MARCHF1: variants seen among roughly 807,000 people sequenced by gnomAD.
MARCHF1 encodes membrane associated ring-CH-type finger 1, also known as E3 ubiquitin-protein ligase MARCHF1.
MARCHF1 carries 40 observed loss-of-function variants against 54.2 expected under a neutral mutation model. The observed-to-expected ratio is 0.74, with a 90% CI of 0.57 to 0.96. The LOEUF is 0.96. MARCHF1 is among the 40% of genes least tolerant of loss of function. The pLI is 0.00. For missense variants in MARCHF1, 586 were observed against 656.5 expected, an observed-to-expected ratio of 0.89 and a Z score of 1.17; for synonymous variants, 236 against 236.3, an observed-to-expected ratio of 1.00 and a Z score of 0.01.
At chr4:163,640,712 A>G (rs1440567065) in intron 5 of MARCHF1, among the ~76,000 whole-genome samples, 3 of 152,158 alleles carry the variant, frequency 2.0e-5, no homozygotes, top group Non-Finnish European at 4.4e-5. Context: ...TGAATTGCCA[A>G]CTTCATGCCT....
At chr4:164,173,865 C>T (rs1283213018) in intron 1 of MARCHF1, among the ~76,000 whole-genome samples, 2 of 152,144 alleles carry the variant, frequency 1.3e-5, no homozygotes, top group Non-Finnish European at 2.9e-5. Context: ...TCAGGTATTT[C>T]TTTAGAGCAT....
chr4:163,886,032 T>A (rs1750523640), intron 3 of MARCHF1, among the ~76,000 whole-genome samples: 1 of 143,718 alleles, frequency 7.0e-6, no homozygotes, highest in African/African-American at 2.5e-5. Flanking sequence ...AAAAAAAAAA[T>A]AGCCTGGTAT....
intron 4 of MARCHF1, among the ~76,000 whole-genome samples, chr4:163,793,037 C>CT: frequency 1.3e-5 from 2 of 152,332 alleles, no homozygotes; most frequent in Middle Eastern, 3.4e-3. Flanking sequence ...ATATAAACAA[C>CT]TTAACTCCGT....
chr4:163,575,458 A>T (rs376016094), intron 8 of MARCHF1, among the ~76,000 whole-genome samples: 9 of 152,056 alleles, frequency 5.9e-5, no homozygotes, highest in East Asian at 3.9e-4. Context: ...TAGTTTGCTA[A>T]TTTTTTTGAG....
At chr4:163,544,795 G>C (rs960181160) in intron 9 of MARCHF1, among the ~76,000 whole-genome samples, 1 of 152,062 alleles carries the variant, frequency 6.6e-6, no homozygotes, top group African/African-American at 2.4e-5. Context: ...AACTCAAAAT[G>C]TTACTATCTG....
intron 4 of MARCHF1, among the ~76,000 whole-genome samples, chr4:163,739,266 T>A (rs538881329): frequency 1.3e-5 from 2 of 152,300 alleles, no homozygotes; most frequent in East Asian, 3.9e-4. Flanking sequence ...AGACTCCTCA[T>A]AGAGTTGCCA....
At chr4:163,743,279 T>C (rs1287192050) in intron 4 of MARCHF1, among the ~76,000 whole-genome samples, 1 of 152,132 alleles carries the variant, frequency 6.6e-6, no homozygotes, top group Non-Finnish European at 1.5e-5. Context: ...GCCAGGACAG[T>C]TCCACTGCTT....
In MARCHF1 at chr4:164,141,545, AC is replaced by A. The variant is rs372723296; in HGVS notation, c.-322-29884del. Among the ~76,000 whole-genome samples, 55 of 152,300 alleles carry A rather than the reference AC, an allele frequency of 3.6e-4. 2 individuals are homozygous for A. The East Asian group carries it at 7.2e-3, about 20-fold the overall frequency. On this transcript the variant is annotated intron_variant, in intron 1 of 9. Coordinates refer to ENST00000514618, the MANE Select transcript of MARCHF1 (RefSeq NM_001394959.1). ...GTCATATTTTTATAACCTGCACCTTACAACAAGATTAGCTCTCTTACGGAAA... is the reference window on the plus strand; with the variant it reads ...GTCATATTTTTATAACCTGCACCTTAAACAAGATTAGCTCTCTTACGGAAA...
At chr4:164,098,515 C>G (rs770594641) in intron 2 of MARCHF1, among the ~76,000 whole-genome samples, 13 of 152,186 alleles carry the variant, frequency 8.5e-5, no homozygotes, top group Admixed American at 1.3e-4. Flanking sequence ...GTACTTCAGT[C>G]TTATTTCATG....
chr4:163,724,533 A>T (rs927189429), intron 4 of MARCHF1, among the ~76,000 whole-genome samples: 2 of 152,156 alleles, frequency 1.3e-5, no homozygotes, highest in African/African-American at 4.8e-5. Flanking sequence ...CTCTCTTCAA[A>T]GCTGTCAGAC....
intron 4 of MARCHF1, among the ~76,000 whole-genome samples, chr4:163,775,135 C>T (rs1457130866): frequency 6.6e-6 from 1 of 152,184 alleles, no homozygotes; most frequent in Admixed American, 6.5e-5. Context: ...TAGCCACTCT[C>T]AAGCAAACTC....
intron 1 of MARCHF1, among the ~76,000 whole-genome samples, chr4:164,264,073 C>A (rs1160190732): frequency 6.6e-6 from 1 of 152,104 alleles, no homozygotes; most frequent in African/African-American, 2.4e-5. Context: ...TTCACAATAG[C>A]AAAAGTATAG....
At chr4:163,758,402 A>G (rs1160804689) in intron 4 of MARCHF1, among the ~76,000 whole-genome samples, 1 of 152,216 alleles carries the variant, frequency 6.6e-6, no homozygotes, top group African/African-American at 2.4e-5. Context: ...AGTTCAACCA[A>G]GGACATTCCA....
chr4:163,915,366 T>A (rs1012144573), intron 3 of MARCHF1, among the ~76,000 whole-genome samples: 1 of 151,952 alleles, frequency 6.6e-6, no homozygotes, highest in Non-Finnish European at 1.5e-5. Flanking sequence ...TCCAAATAGA[T>A]AGGCATCCTA....
intron 4 of MARCHF1, among the ~76,000 whole-genome samples, chr4:163,797,201 T>C (rs947497110): frequency 6.6e-6 from 1 of 152,150 alleles, no homozygotes; most frequent in Non-Finnish European, 1.5e-5. Context: ...TATATTTATA[T>C]TGCTCTCAGG....
At chr4:163,702,698 G>C (rs1309220524) in intron 4 of MARCHF1, among the ~76,000 whole-genome samples, 1 of 152,094 alleles carries the variant, frequency 6.6e-6, no homozygotes, top group Admixed American at 6.6e-5. Flanking sequence ...CTCTCTACCA[G>C]CATCTGCCAA....
rs533490038 is a variant in MARCHF1, at chr4:164,188,999, G to T, written c.-322-77337C>A. 90 of 706,324 alleles carry T rather than the reference G, an allele frequency of 1.3e-4. 1 individual carries two copies. The highest frequency in any genetic ancestry group is 9.7e-4 in the Admixed American group (49 of 50,428). The allele number at this position is 706,324 out of a possible 1,614,324, so 43.8% of individuals were successfully genotyped here. ...TAACGAGCCTATGGCAGCTGCTATTGGTTATGGCCTGGATAAGAGGGAGGG... is the reference window on the plus strand; with the variant it reads ...TAACGAGCCTATGGCAGCTGCTATTTGTTATGGCCTGGATAAGAGGGAGGG... On this transcript the variant is annotated intron_variant, in intron 1 of 9. Coordinates refer to ENST00000514618, the MANE Select transcript of MARCHF1 (RefSeq NM_001394959.1).
At chr4:163,594,517 CACAA>C (rs1740695931) in intron 7 of MARCHF1, among the ~76,000 whole-genome samples, 1 of 151,860 alleles carries the variant, frequency 6.6e-6, no homozygotes, top group East Asian at 1.9e-4. Context: ...CAAACACACA[CACAA>C]ACTAACTTTA....
chr4:163,948,070 G>T (rs1034626979), intron 3 of MARCHF1, among the ~76,000 whole-genome samples: 2 of 152,082 alleles, frequency 1.3e-5, no homozygotes, highest in Non-Finnish European at 2.9e-5. Context: ...AATCTATCTT[G>T]TTTCTTTGCC....
Sources: allele counts gnomAD v4.1 joint callset (sites outside exome capture counted in the v4.1 genomes callset), GRCh38; gene constraint gnomAD v4.1.1; transcripts MANE v1.5; gene names NCBI Gene and HGNC (gene_info 2026-07-23, HGNC 2026-07-21).